Variants in FYN observed in about 807,000 individuals in gnomAD.
FYN encodes the protein tyrosine-protein kinase Fyn.
FYN carries 10 observed loss-of-function variants against 70.2 expected under a neutral mutation model. That is an observed-to-expected ratio of 0.14 (90% CI 0.09 to 0.24). The LOEUF (loss-of-function observed/expected upper bound fraction) is 0.24, where lower values mean the gene tolerates loss of function less well. Among genes scored for constraint, FYN ranks in the 10% least tolerant of loss-of-function variants. The pLI is 1.00. For synonymous variants in FYN, 236 were observed against 248.6 expected (o/e 0.95, Z 0.48); for missense variants, 319 against 673.1 (o/e 0.47, Z 5.82).
rs147683068 is a variant in FYN, at chr6:111,752,188, C to T, written c.-12+28378G>A. Among the ~76,000 whole-genome samples, 49 of 152,294 alleles carry T rather than the reference C, an allele frequency of 3.2e-4. No homozygotes were observed. The East Asian group carries it at 9.3e-3, about 29-fold the overall frequency. ...TCTATTATTAATTCTATTAGTCCAACTTCGTGATCTTGGCAAGTTATTTAT... is the reference window on the plus strand; with the variant it reads ...TCTATTATTAATTCTATTAGTCCAATTTCGTGATCTTGGCAAGTTATTTAT... On this transcript the variant is annotated intron_variant, in intron 3 of 13. Transcript: ENST00000354650.
intron 12 of FYN, among the ~76,000 whole-genome samples, chr6:111,681,632 T>C (rs1208082585): frequency 3.3e-5 from 5 of 152,194 alleles, no homozygotes; most frequent in Admixed American, 6.5e-5. Flanking sequence ...TCCCACCTCC[T>C]TCATGAAGCC....
intron 3 of FYN, among the ~76,000 whole-genome samples, chr6:111,722,196 T>C (rs969428684): frequency 2.0e-5 from 3 of 152,192 alleles, no homozygotes; most frequent in African/African-American, 4.8e-5. Context: ...ATGTCAGTTC[T>C]TGAGAATGAA....
At chr6:111,750,055 T>A (rs1802414652) in intron 3 of FYN, among the ~76,000 whole-genome samples, 1 of 152,216 alleles carries the variant, frequency 6.6e-6, no homozygotes, top group Non-Finnish European at 1.5e-5. Flanking sequence ...CAACTGCTAC[T>A]AACATATATG....
chr6:111,786,404 G>A (rs1771386012), intron 2 of FYN, among the ~76,000 whole-genome samples: 2 of 152,088 alleles, frequency 1.3e-5, no homozygotes, highest in Admixed American at 1.3e-4. Flanking sequence ...CTTTTTTATG[G>A]CTGCATAGTA....
intron 3 of FYN, among the ~76,000 whole-genome samples, chr6:111,755,143 C>T (rs964670384): frequency 2.0e-5 from 3 of 152,104 alleles, no homozygotes; most frequent in Admixed American, 6.5e-5. Flanking sequence ...TTTAAGGCTC[C>T]TTCAAGCACA....
intron 2 of FYN, chr6:111,794,044 C>G (rs1771725148): frequency 6.6e-6 from 1 of 152,418 alleles, no homozygotes; most frequent in African/African-American, 2.4e-5. Context: ...ACCTCACTCA[C>G]CCTCCAGCCT....
intron 2 of FYN, among the ~76,000 whole-genome samples, chr6:111,794,730 T>C (rs1284783403): frequency 6.6e-6 from 1 of 152,246 alleles, no homozygotes; most frequent in Non-Finnish European, 1.5e-5. Flanking sequence ...CGTTTCCATA[T>C]TGTCTATGGC....
At chr6:111,763,536 A>G (rs932883886) in intron 3 of FYN, among the ~76,000 whole-genome samples, 7 of 152,200 alleles carry the variant, frequency 4.6e-5, no homozygotes, top group Admixed American at 4.6e-4. Flanking sequence ...AGTTAAGACA[A>G]AGTTTGCTTT....
At chr6:111,843,416 T>A (rs1773423362) in intron 2 of FYN, among the ~76,000 whole-genome samples, 1 of 152,208 alleles carries the variant, frequency 6.6e-6, no homozygotes, top group African/African-American at 2.4e-5. Flanking sequence ...AAAAATACAC[T>A]TTATACACTT....
chr6:111,845,389 T>C lies in FYN; in HGVS notation c.-82+1200A>G, dbSNP rs78897839. On this transcript the variant is annotated intron_variant, in intron 2 of 13. Coordinates refer to ENST00000354650, the MANE Select transcript of FYN (RefSeq NM_002037.5). ...TTCTAAAAAGGCTCCTTCTGCCTTG[T>C]CCTAACTAGAGCTGTGTTATTTCCC... Among the ~76,000 whole-genome samples the C allele has an allele frequency of 7.5e-3, 1,135 of 152,296 alleles. 16 individuals carry two copies. The highest frequency in any genetic ancestry group is 0.026 in the African/African-American group (1,100 of 41,550).
At chr6:111,789,429 A>G (rs1254135553) in intron 2 of FYN, among the ~76,000 whole-genome samples, 1 of 152,196 alleles carries the variant, frequency 6.6e-6, no homozygotes, top group Non-Finnish European at 1.5e-5. Flanking sequence ...AGGCAATAGT[A>G]GTAGTAGCAG....
intron 12 of FYN, among the ~76,000 whole-genome samples, chr6:111,683,675 A>T (rs1050281557): frequency 6.6e-6 from 1 of 152,100 alleles, no homozygotes; most frequent in Admixed American, 6.5e-5. Context: ...ATTATATCCA[A>T]TATTTAATAG....
chr6:111,783,514 T>C (rs749586652), intron 2 of FYN, among the ~76,000 whole-genome samples: 21 of 152,222 alleles, frequency 1.4e-4, no homozygotes, highest in Non-Finnish European at 2.6e-4. Flanking sequence ...GTGGCATGAC[T>C]GTTTAATCTT....
At chr6:111,868,398 A>G (rs1250746407) in intron 1 of FYN, among the ~76,000 whole-genome samples, 3 of 152,134 alleles carry the variant, frequency 2.0e-5, no homozygotes, top group Non-Finnish European at 4.4e-5. Context: ...GTACCACAGA[A>G]AGACCCAGCT....
At chr6:111,871,987 G>A (rs1053167273) in intron 1 of FYN, among the ~76,000 whole-genome samples, 1 of 152,234 alleles carries the variant, frequency 6.6e-6, no homozygotes, top group African/African-American at 2.4e-5. Context: ...GGAAGCCCCA[G>A]GGAAGAGAGA....
intron 3 of FYN, among the ~76,000 whole-genome samples, chr6:111,744,306 A>T (rs949692759): frequency 3.9e-5 from 6 of 152,198 alleles, no homozygotes; most frequent in African/African-American, 1.4e-4. Context: ...GCATTCTCTA[A>T]TTTCTCTCTG....
At chr6:111,736,301 A>C (rs1407914213) in intron 3 of FYN, among the ~76,000 whole-genome samples, 1 of 152,222 alleles carries the variant, frequency 6.6e-6, no homozygotes, top group South Asian at 2.1e-4. Context: ...CATAAAAAAT[A>C]TAATATTAAC....
intron 2 of FYN, among the ~76,000 whole-genome samples, chr6:111,814,700 T>C (rs896419938): frequency 3.3e-5 from 5 of 152,224 alleles, no homozygotes; most frequent in African/African-American, 1.2e-4. Context: ...TAAAAATATC[T>C]ATTTGGTCTG....
At position 111,719,937 on chromosome 6, in the gene FYN, A is replaced by G; in HGVS notation, c.115T>C (p.Tyr39His). The part of the protein sequence containing the change: ...RYGTDPTPQH[Y>H]PSFGVTSIPN... ...ATGGAGGTCACACCGAAGCTGGGGTAGTGCTGAGGGGTGGGGTCTGTGCCA... is the reference window on the plus strand; with the variant it reads ...ATGGAGGTCACACCGAAGCTGGGGTGGTGCTGAGGGGTGGGGTCTGTGCCA... Residue 39 changes from tyrosine (Y) to histidine (H), a missense_variant, in exon 4 of 14, where the codon TAC becomes CAC. Tyr to His is a moderately conservative substitution (Grantham distance 83). Around this residue, in one of 4 missense-constraint regions of FYN, gnomAD observed 128 missense variants for 183.9 expected, o/e 0.70. Coordinates refer to ENST00000354650, the MANE Select transcript of FYN (RefSeq NM_002037.5). The G allele has an allele frequency of 6.2e-7, 1 of 1,614,146 alleles. No homozygotes were observed. The highest frequency in any genetic ancestry group is 8.5e-7 in the Non-Finnish European group (1 of 1,180,016).
Sources: gnomAD v4.1 joint callset for allele counts (sites outside exome capture counted in the v4.1 genomes callset) on GRCh38, gnomAD v4.1.1 for gene constraint, gnomAD v4.1.1 regional missense constraint, MANE v1.5 for transcripts, NCBI Gene and HGNC (gene_info 2026-07-23, HGNC 2026-07-21) for gene names.